Variants in ATP2B2 observed in about 807,000 individuals in gnomAD.
ATP2B2 encodes the protein plasma membrane calcium-transporting ATPase 2.
Under a neutral mutation model 120.0 loss-of-function variants are expected in ATP2B2, and 15 were observed. That is an observed-to-expected ratio of 0.12 (90% CI 0.08 to 0.19). The LOEUF (loss-of-function observed/expected upper bound fraction) is 0.19. ATP2B2 is among the 10% of genes least tolerant of loss of function. The pLI, the probability that ATP2B2 is intolerant of heterozygous loss-of-function variation, is 1.00. For synonymous variants in ATP2B2, 694 were observed against 700.3 expected, an observed-to-expected ratio of 0.99 and a Z score of 0.14; for missense variants, 1,045 against 1,719.8, an observed-to-expected ratio of 0.61 and a Z score of 6.94.
At chr3:10,579,845 C>CAAAACAAAACA (rs137955154) in intron 2 of ATP2B2, among the ~76,000 whole-genome samples, 1,860 of 150,608 alleles carry the variant, frequency 0.012, 32 homozygotes, top group African/African-American at 0.033. Context: ...CAAAACAAAA[C>CAAAACAAAACA]AAAGAAACAG....
chr3:10,587,600 G>A (rs966903547), intron 2 of ATP2B2, among the ~76,000 whole-genome samples: 5 of 152,092 alleles, frequency 3.3e-5, no homozygotes, highest in East Asian at 3.9e-4. Context: ...GGCTGATCTC[G>A]AACACTTGAC....
intron 2 of ATP2B2, among the ~76,000 whole-genome samples, chr3:10,541,706 T>C (rs1057092745): frequency 5.3e-5 from 8 of 152,200 alleles, no homozygotes; most frequent in African/African-American, 1.9e-4. Flanking sequence ...TTAGCATATG[T>C]TCTGTGGGCG....
chr3:10,599,440 C>T (rs750202144), intron 2 of ATP2B2, among the ~76,000 whole-genome samples: 3 of 152,194 alleles, frequency 2.0e-5, no homozygotes, highest in Non-Finnish European at 2.9e-5. Flanking sequence ...TCCCTCCAGC[C>T]CCCACATCAC....
At chr3:10,622,843 C>T (rs1054597889) in intron 1 of ATP2B2, among the ~76,000 whole-genome samples, 2 of 152,122 alleles carry the variant, frequency 1.3e-5, no homozygotes, top group African/African-American at 2.4e-5. Flanking sequence ...TTTCACAGGT[C>T]GGTCAGCAAA....
At chr3:10,699,100 A>G (rs1158264930) in intron 1 of ATP2B2, among the ~76,000 whole-genome samples, 3 of 151,988 alleles carry the variant, frequency 2.0e-5, no homozygotes, top group Non-Finnish European at 4.4e-5. Flanking sequence ...CTTCTGTCAG[A>G]CCCTTTGCAA....
At chr3:10,613,873 C>A (rs2069308957) in intron 2 of ATP2B2, among the ~76,000 whole-genome samples, 1 of 152,058 alleles carries the variant, frequency 6.6e-6, no homozygotes. Context: ...TCTGACCTCA[C>A]CTCTCACTTC....
chr3:10,545,254 G>A (rs2067520268), intron 2 of ATP2B2, among the ~76,000 whole-genome samples: 1 of 152,212 alleles, frequency 6.6e-6, no homozygotes, highest in Non-Finnish European at 1.5e-5. Context: ...TTTAGGCCGG[G>A]TGCAGTGGCT....
intron 1 of ATP2B2, among the ~76,000 whole-genome samples, chr3:10,457,201 CTG>C (rs2064296488): frequency 6.6e-6 from 1 of 151,246 alleles, no homozygotes; most frequent in African/African-American, 2.4e-5. Flanking sequence ...GCTAGTGTGA[CTG>C]TGCAGGTTAA....
intron 1 of ATP2B2, among the ~76,000 whole-genome samples, chr3:10,650,134 A>T (rs896108659): frequency 2.0e-5 from 3 of 152,256 alleles, no homozygotes; most frequent in Non-Finnish European, 4.4e-5. Flanking sequence ...GAAGACAAGA[A>T]AATGTGGGAA....
intron 5 of ATP2B2, among the ~76,000 whole-genome samples, chr3:10,393,742 C>T (rs2061935482): frequency 9.2e-6 from 1 of 108,366 alleles, no homozygotes; most frequent in South Asian, 3.7e-4. Context: ...ACTGTCTGTC[C>T]TGTCCTGCCC....
intron 3 of ATP2B2, among the ~76,000 whole-genome samples, chr3:10,522,165 G>A (rs1179605003): frequency 6.6e-6 from 1 of 152,220 alleles, no homozygotes; most frequent in Non-Finnish European, 1.5e-5. Flanking sequence ...TTGCCAAGAT[G>A]AAAAGTGCAG....
chr3:10,333,004 C>T (rs552692282), intron 22 of ATP2B2, among the ~76,000 whole-genome samples: 62 of 152,306 alleles, frequency 4.1e-4, no homozygotes, highest in African/African-American at 1.3e-3. Context: ...CGAGCATCCT[C>T]GTGCCATGTG....
At chr3:10,504,366 G>C (rs564348974) in intron 1 of ATP2B2, among the ~76,000 whole-genome samples, 5 of 152,166 alleles carry the variant, frequency 3.3e-5, no homozygotes, top group African/African-American at 9.7e-5. Flanking sequence ...CCAGCGATTC[G>C]GAGAGCAATG....
chr3:10,699,020 C>T (rs2071780447), intron 1 of ATP2B2, among the ~76,000 whole-genome samples: 1 of 152,242 alleles, frequency 6.6e-6, no homozygotes, highest in African/African-American at 2.4e-5. Context: ...TTCCTCCTCC[C>T]TCTCTTCTAC....
At chr3:10,485,532 G>T (rs777197418) in intron 1 of ATP2B2, among the ~76,000 whole-genome samples, 1 of 152,192 alleles carries the variant, frequency 6.6e-6, no homozygotes, top group African/African-American at 2.4e-5. Flanking sequence ...CGCTCCCTCC[G>T]CTTCTCCCTG....
upstream of ATP2B2, chr3:10,505,708 G>T (rs2066600762): frequency 1.4e-5 from 2 of 146,830 alleles, no homozygotes; most frequent in African/African-American, 5.1e-5. Flanking sequence ...CGCTGCCGGA[G>T]GCTGGGGGAT....
chr3:10,589,798 T>A (rs1360028526), intron 2 of ATP2B2, among the ~76,000 whole-genome samples: 1 of 152,196 alleles, frequency 6.6e-6, no homozygotes, highest in Non-Finnish European at 1.5e-5. Flanking sequence ...TGGGTGAGGA[T>A]GTGGAACCAC....
At chr3:10,682,028 A>T (rs1261458696) in intron 1 of ATP2B2, among the ~76,000 whole-genome samples, 1 of 152,210 alleles carries the variant, frequency 6.6e-6, no homozygotes, top group African/African-American at 2.4e-5. Flanking sequence ...AGGAGGCATT[A>T]GAGCTGGGTC....
intron 1 of ATP2B2, among the ~76,000 whole-genome samples, chr3:10,485,976 G>A (rs2065634538): frequency 6.6e-6 from 1 of 152,210 alleles, no homozygotes; most frequent in Non-Finnish European, 1.5e-5. Context: ...CAGCGCCATT[G>A]CGACATGGGG....
Sources: allele counts gnomAD v4.1 joint callset (sites outside exome capture counted in the v4.1 genomes callset), GRCh38; gene constraint gnomAD v4.1.1; transcripts MANE v1.5; gene names NCBI Gene and HGNC (gene_info 2026-07-23, HGNC 2026-07-21).